The following ROBO2 variants were observed in gnomAD, a reference collection of about 807,000 sequenced individuals.
ROBO2 encodes roundabout homolog 2.
Under a neutral mutation model 160.8 loss-of-function variants are expected in ROBO2, and 53 were observed. The observed-to-expected ratio is 0.33, with a 90% confidence interval of 0.26 to 0.41. ROBO2 has a LOEUF of 0.41. Among genes scored for constraint, ROBO2 ranks in the 10% least tolerant of loss-of-function variants. ROBO2 has a pLI of 1.00. For missense variants in ROBO2, 1,577 were observed against 1,722.4 expected, an observed-to-expected ratio of 0.92 and a Z score of 1.49; for synonymous variants, 664 against 611.7, an observed-to-expected ratio of 1.09 and a Z score of -1.26.
chr3:77,430,733 C>A (rs193118963), intron 2 of ROBO2, among the ~76,000 whole-genome samples: 2 of 152,236 alleles, frequency 1.3e-5, no homozygotes, highest in East Asian at 3.9e-4. Flanking sequence ...ACTTCCTAAC[C>A]TCCAGAACTC....
At chr3:76,655,748 A>G (rs1293628177) in intron 2 of ROBO2, among the ~76,000 whole-genome samples, 2 of 148,252 alleles carry the variant, frequency 1.3e-5, no homozygotes, top group African/African-American at 5.0e-5. Flanking sequence ...GAGGGAGGAA[A>G]GAAGGAAGGA....
chr3:76,104,314 A>C (rs143337431), intron 2 of ROBO2, among the ~76,000 whole-genome samples: 12 of 152,220 alleles, frequency 7.9e-5, no homozygotes, highest in Non-Finnish European at 1.0e-4. Context: ...TTTTACTTAC[A>C]TAACACCAAG....
chr3:76,472,108 TGC>T (rs1460918891), intron 2 of ROBO2, among the ~76,000 whole-genome samples: 27 of 68,324 alleles, frequency 4.0e-4, no homozygotes, highest in South Asian at 1.4e-3. Context: ...TGTGCGCGTG[TGC>T]GTGCGCATGT....
chr3:76,179,742 A>G (rs1184882191), intron 2 of ROBO2, among the ~76,000 whole-genome samples: 1 of 152,056 alleles, frequency 6.6e-6, no homozygotes, highest in Non-Finnish European at 1.5e-5. Flanking sequence ...CTGAAACCTC[A>G]CTTTCTCAGA....
chr3:76,447,747 A>G (rs1269359364), intron 2 of ROBO2, among the ~76,000 whole-genome samples: 2 of 151,910 alleles, frequency 1.3e-5, no homozygotes, highest in African/African-American at 2.4e-5. Flanking sequence ...TTGTAGGGAC[A>G]TGGATGAAGC....
chr3:76,654,837 ATT>A (rs199653573), intron 2 of ROBO2, among the ~76,000 whole-genome samples: 195 of 144,434 alleles, frequency 1.4e-3, no homozygotes, highest in Non-Finnish European at 2.2e-3. Flanking sequence ...CTTGATTATA[ATT>A]TTTTTATATA....
intron 2 of ROBO2, among the ~76,000 whole-genome samples, chr3:77,204,543 ATATGTT>A (rs1182811079): frequency 1.3e-5 from 2 of 152,132 alleles, no homozygotes; most frequent in Non-Finnish European, 2.9e-5. Context: ...TTAAAAATCT[ATATGTT>A]TAAGTTTGTA....
At chr3:76,534,859 G>T (rs2082409003) in intron 2 of ROBO2, among the ~76,000 whole-genome samples, 1 of 152,136 alleles carries the variant, frequency 6.6e-6, no homozygotes, top group African/African-American at 2.4e-5. Context: ...GCATTGAGAG[G>T]TGATGGTTTT....
At chr3:76,552,875 A>T (rs1353514675) in intron 2 of ROBO2, among the ~76,000 whole-genome samples, 1 of 152,228 alleles carries the variant, frequency 6.6e-6, no homozygotes, top group Non-Finnish European at 1.5e-5. Flanking sequence ...GAAACAGATC[A>T]TGACAGGTCT....
At chr3:75,944,808 G>A (rs1056627771) in intron 2 of ROBO2, among the ~76,000 whole-genome samples, 1 of 152,000 alleles carries the variant, frequency 6.6e-6, no homozygotes, top group Non-Finnish European at 1.5e-5. Flanking sequence ...TGATTATTTT[G>A]TACTTCTTTT....
intron 4 of ROBO2, among the ~76,000 whole-genome samples, chr3:77,490,245 T>C (rs1306875996): frequency 2.6e-5 from 4 of 151,554 alleles, no homozygotes; most frequent in Non-Finnish European, 4.4e-5. Context: ...GGACTACAGG[T>C]GCCCGCCACC....
intron 2 of ROBO2, among the ~76,000 whole-genome samples, chr3:76,579,197 C>T (rs1215851650): frequency 6.6e-6 from 1 of 152,102 alleles, no homozygotes; most frequent in Non-Finnish European, 1.5e-5. Context: ...TATTACCTTC[C>T]TGTGCAAAAT....
chr3:75,913,068 G>A (rs1256410529), intron 1 of ROBO2, among the ~76,000 whole-genome samples: 1 of 152,176 alleles, frequency 6.6e-6, no homozygotes, highest in Non-Finnish European at 1.5e-5. Context: ...GTTCCTTCTG[G>A]AGGTGCTGAG....
chr3:75,965,173 A>G (rs905555244), intron 2 of ROBO2: 11 of 151,856 alleles, frequency 7.2e-5, no homozygotes, highest in Admixed American at 6.6e-4. Context: ...AGTTAGAAAT[A>G]TATTTTTCTA....
At chr3:76,087,797 C>T (rs2069073346) in intron 2 of ROBO2, among the ~76,000 whole-genome samples, 1 of 152,084 alleles carries the variant, frequency 6.6e-6, no homozygotes, top group African/African-American at 2.4e-5. Flanking sequence ...AAAGTTCACA[C>T]ACTACCCATG....
intron 2 of ROBO2, among the ~76,000 whole-genome samples, chr3:76,999,837 A>T (rs2047570500): frequency 1.3e-5 from 2 of 152,168 alleles, no homozygotes. Flanking sequence ...GTATAGAAAC[A>T]TATATACCTT....
intron 2 of ROBO2, among the ~76,000 whole-genome samples, chr3:76,080,276 C>T (rs147151708): frequency 4.6e-5 from 7 of 152,294 alleles, no homozygotes; most frequent in African/African-American, 1.4e-4. Context: ...TTGGCTTCAG[C>T]GCTTACTATT....
chr3:76,953,500 CA>C (rs1553704907), intron 2 of ROBO2, among the ~76,000 whole-genome samples: 1 of 152,150 alleles, frequency 6.6e-6, no homozygotes, highest in Non-Finnish European at 1.5e-5. Context: ...TACAAATCTG[CA>C]AATCTATTCT....
chr3:76,506,408 CAT>C lies in ROBO2; in HGVS notation c.109+568807_109+568808del, dbSNP rs2080800503. On this transcript the variant is annotated intron_variant, in intron 2 of 26. Coordinates refer to the ROBO2 transcript ENST00000487694. Reference sequence around the variant, plus strand: ...CCAATGTTCCAGCTACACTAGATTACATGTCATCCTTCAATGTATCCTTCGTT... The same window carrying C: ...CCAATGTTCCAGCTACACTAGATTACGTCATCCTTCAATGTATCCTTCGTT... 2.0e-5 allele frequency among the ~76,000 whole-genome samples: 3 copies of C among 152,256 alleles called. No homozygotes were observed. In the South Asian group the frequency reaches 6.2e-4, roughly 32 times the overall value.
Sources: allele counts gnomAD v4.1 joint callset (sites outside exome capture counted in the v4.1 genomes callset), GRCh38; gene constraint gnomAD v4.1.1; transcripts MANE v1.5; gene names NCBI Gene and HGNC (gene_info 2026-07-23, HGNC 2026-07-21).